The following SLF2 variants were observed in gnomAD, a reference collection of about 807,000 sequenced individuals.
SLF2 encodes SMC5-SMC6 complex localization factor protein 2.
Under a neutral mutation model 124.3 loss-of-function variants are expected in SLF2, and 68 were observed. The ratio of observed to expected loss-of-function variants is 0.55; its 90% CI spans 0.45 to 0.67. The LOEUF is 0.67. Among genes scored for constraint, SLF2 ranks in the 30% least tolerant of loss-of-function variants. The probability of loss-of-function intolerance (pLI) is 0.00; values close to 1 mark genes in which losing one functional copy is unlikely to be tolerated. For missense variants in SLF2, 1,246 were observed against 1,373.7 expected (o/e 0.91, Z 1.47); for synonymous variants, 480 against 478.8 (o/e 1.00, Z -0.03).
At chr10:100,955,111 T>A (rs1421718748) in intron 17 of SLF2, among the ~76,000 whole-genome samples, 1 of 152,024 alleles carries the variant, frequency 6.6e-6, no homozygotes, top group Non-Finnish European at 1.5e-5. Flanking sequence ...GGCTAATTTT[T>A]TTGTATTTTT....
intron 9 of SLF2, among the ~76,000 whole-genome samples, chr10:100,931,511 A>G (rs1849735944): frequency 6.6e-6 from 1 of 151,748 alleles, no homozygotes; most frequent in South Asian, 2.1e-4. Flanking sequence ...TCTTTTCCCC[A>G]TTCATATTTA....
intron 6 of SLF2, among the ~76,000 whole-genome samples, chr10:100,927,359 G>C (rs1032275773): frequency 6.6e-6 from 1 of 152,030 alleles, no homozygotes; most frequent in South Asian, 2.1e-4. Flanking sequence ...GTCCTTTTAC[G>C]ACTGTTTATT....
intron 1 of SLF2, 40 bp from the exon 2 acceptor site, chr10:100,915,959 T>C: frequency 6.9e-7 from 1 of 1,459,344 alleles, no homozygotes; most frequent in Non-Finnish European, 9.6e-7. Context: ...AAGGTTTTAA[T>C]ATTTGCTTAT....
In SLF2 at chr10:100,950,726, T is replaced by G; in HGVS notation, c.3303T>G (p.Cys1101Trp). 1 of 1,614,084 alleles carries G rather than the reference T, an allele frequency of 6.2e-7. No individual in the cohort carries two copies. Among genetic ancestry groups the G allele is most frequent in the Non-Finnish European group, 8.5e-7 (1 of 1,179,958 alleles). ...ILLHLVGEVS[C>W]SHSFSSGQRK... ...TTCATTTAGTCGGTGAAGTTAGTTG[T>G]TCTCATTCTTTTTCTTCTGGACAAC... Residue 1101 changes from cysteine to tryptophan, a missense_variant, in exon 17 of 20, where the codon TGT becomes TGG. Physicochemically the swap from Cys to Trp is radical, Grantham distance 215. Around this residue, in one of 3 missense-constraint regions of SLF2, gnomAD observed 535 missense variants for 632.8 expected, o/e 0.85. Coordinates refer to ENST00000238961, the MANE Select transcript of SLF2 (RefSeq NM_018121.4).
intron 17 of SLF2, among the ~76,000 whole-genome samples, chr10:100,953,142 AG>A (rs200646688): frequency 0.015 from 2,330 of 151,268 alleles, 35 homozygotes; most frequent in Non-Finnish European, 0.025. Context: ...CAGCCTCCCA[AG>A]TAGCTGGGAT....
At chr10:100,913,493 C>A in intron 1 of SLF2, 3 of 1,265,252 alleles carry the variant, frequency 2.4e-6, no homozygotes, top group South Asian at 3.0e-5. Flanking sequence ...TACGGAGAAC[C>A]CGCCTTAGGT....
In SLF2 at chr10:100,924,242, AT is replaced by A. The variant is rs1564772022; in HGVS notation, c.1243del (p.Ser415LeufsTer72). The A allele has an allele frequency of 6.2e-7, 1 of 1,614,166 alleles. No individual in the cohort carries two copies. Among genetic ancestry groups the A allele is most frequent in the South Asian group, 1.1e-5 (1 of 91,084 alleles). ...SAGLAPSNSG[N>X]SGHHSTRNSD... Reference sequence around the variant, plus strand: ...GGCTTGGCACCTTCAAATTCTGGCAATTCTGGCCACCATTCTACCAGGAATA... The same window carrying A: ...GGCTTGGCACCTTCAAATTCTGGCAATCTGGCCACCATTCTACCAGGAATA... On this transcript the variant is annotated frameshift_variant, in exon 5 of 20. Coordinates refer to ENST00000238961, the MANE Select transcript of SLF2 (RefSeq NM_018121.4). LOFTEE classifies it high-confidence loss of function.
intron 1 of SLF2, chr10:100,913,584 T>A (rs1463218830): frequency 4.2e-6 from 5 of 1,180,950 alleles, no homozygotes; most frequent in Non-Finnish European, 4.2e-6. Context: ...TCGTTTTCTG[T>A]ACGTTGTCAG....
chr10:100,956,109 C>T (rs1047959132), intron 17 of SLF2, among the ~76,000 whole-genome samples: 5 of 151,442 alleles, frequency 3.3e-5, no homozygotes, highest in African/African-American at 7.3e-5. Context: ...AAAGGCTAGC[C>T]GTTGTCTGAA....
chr10:100,928,560 G>A (rs554016372), intron 6 of SLF2, among the ~76,000 whole-genome samples: 2 of 152,200 alleles, frequency 1.3e-5, no homozygotes, highest in East Asian at 3.9e-4. Flanking sequence ...TTACTCCTCA[G>A]CTGTACTTAT....
At chr10:100,956,823 G>C (rs1307567996) in intron 18 of SLF2, among the ~76,000 whole-genome samples, 1 of 152,128 alleles carries the variant, frequency 6.6e-6, no homozygotes, top group East Asian at 1.9e-4. Flanking sequence ...CTACTTGGGA[G>C]GCTGAGGCAG....
intron 4 of SLF2, among the ~76,000 whole-genome samples, chr10:100,922,620 G>GTGTTTTTTTTTGTTGTTGTTT: frequency 6.6e-6 from 1 of 151,908 alleles, no homozygotes; most frequent in Admixed American, 6.6e-5. Context: ...TGAATTTTTT[G>GTGTTTTTTTTTGTTGTTGTTT]TGTTTTTTTT....
intron 17 of SLF2, among the ~76,000 whole-genome samples, chr10:100,955,097 G>A (rs1023944637): frequency 6.6e-6 from 1 of 151,796 alleles, no homozygotes; most frequent in Non-Finnish European, 1.5e-5. Context: ...CCGCCACCAC[G>A]CCCGGCTAAT....
At chr10:100,946,450 C>T (rs974339518) in intron 13 of SLF2, among the ~76,000 whole-genome samples, 2 of 151,840 alleles carry the variant, frequency 1.3e-5, no homozygotes, top group African/African-American at 4.8e-5. Flanking sequence ...CCTCAACCTC[C>T]CGAGTAGATG....
At position 100,964,947 on chromosome 10, in the gene SLF2, C is replaced by T. The variant is rs1404923082; in HGVS notation, c.*3035C>T. On this transcript the variant is annotated 3_prime_UTR_variant, in exon 20 of 20. Coordinates refer to ENST00000238961, the MANE Select transcript of SLF2 (RefSeq NM_018121.4). Reference sequence around the variant, plus strand: ...TTACTCATGAACAGTGTCGGCGCACCTCATTATCTGTGCATTTGTTTTTCC... The same window carrying T: ...TTACTCATGAACAGTGTCGGCGCACTTCATTATCTGTGCATTTGTTTTTCC... The T allele has an allele frequency of 6.6e-6, 1 of 152,470 alleles. No individual in the cohort carries two copies. The highest frequency in any genetic ancestry group is 2.4e-5 in the African/African-American group (1 of 41,404). The allele number at this position is 152,470 out of a possible 1,614,324, so 9.4% of individuals were successfully genotyped here. A position where few individuals can be genotyped will look rare whatever the true frequency, so the allele number is the denominator to read the frequency against.
intron 9 of SLF2, 83 bp downstream of exon 9, chr10:100,931,161 A>G (rs1346210072): frequency 1.9e-6 from 2 of 1,077,542 alleles, no homozygotes; most frequent in Non-Finnish European, 2.7e-6. Flanking sequence ...TTATTTGCAC[A>G]TTACTGCAGA....
Position 100,929,866 on chromosome 10 carries a change from T to C in SLF2, c.2202T>C (p.Ala734=). 1 of 1,591,100 alleles carries C rather than the reference T, an allele frequency of 6.3e-7. No homozygotes were observed. Among genetic ancestry groups the C allele is most frequent in the Non-Finnish European group, 8.5e-7 (1 of 1,173,564 alleles). Residue 734 remains alanine (A), a synonymous_variant, in exon 8 of 20, where the codon GCT becomes GCC. Coordinates refer to ENST00000238961, the MANE Select transcript of SLF2 (RefSeq NM_018121.4). ...FLKKFSVTID[A]IPDHHPGEEI... is the part of the protein sequence containing the mutation. ...AGAAATTTTCAGTTACAATTGATGCTATTCCTGATCATCATCCAGGTGAAG... is the reference window on the plus strand; with the variant it reads ...AGAAATTTTCAGTTACAATTGATGCCATTCCTGATCATCATCCAGGTGAAG...
At chr10:100,919,001 CTTTTTTTT>C (rs528512219) in intron 4 of SLF2, among the ~76,000 whole-genome samples, 1 of 105,708 alleles carries the variant, frequency 9.5e-6, no homozygotes, top group Non-Finnish European at 1.8e-5. Context: ...GAAACATAAT[CTTTTTTTT>C]TTTTTTTTTT....
intron 18 of SLF2, among the ~76,000 whole-genome samples, chr10:100,958,470 A>G (rs956899185): frequency 2.0e-5 from 3 of 152,198 alleles, no homozygotes; most frequent in African/African-American, 7.2e-5. Context: ...AGTGGCTACT[A>G]CTGACAGCCA....
Sources: gnomAD v4.1 joint callset for allele counts (sites outside exome capture counted in the v4.1 genomes callset) on GRCh38, gnomAD v4.1.1 for gene constraint, gnomAD v4.1.1 regional missense constraint, MANE v1.5 for transcripts, NCBI Gene and HGNC (gene_info 2026-07-23, HGNC 2026-07-21) for gene names.